Variants in PCDH11X observed in about 807,000 individuals in gnomAD.
PCDH11X encodes protocadherin 11 X-linked.
In PCDH11X, 18 loss-of-function variants were observed where a neutral mutation model predicts 53.3. That is an observed-to-expected ratio of 0.34 (90% confidence interval 0.23 to 0.50). PCDH11X has a LOEUF of 0.50. Ranked by LOEUF, PCDH11X falls within the 20% of genes least tolerant of loss-of-function variation. The probability of loss-of-function intolerance (pLI) is 0.98; values close to 1 mark genes in which losing one functional copy is unlikely to be tolerated. For missense variants in PCDH11X, 570 were observed against 1,032.4 expected, an observed-to-expected ratio of 0.55 and a Z score of 6.14; for synonymous variants, 279 against 393.3, an observed-to-expected ratio of 0.71 and a Z score of 3.44.
chrX:92,082,752 A>G (rs762506658), intron 6 of PCDH11X, among the ~76,000 whole-genome samples: 1 of 111,981 alleles, frequency 8.9e-6, no homozygotes, highest in Non-Finnish European at 1.9e-5. Context: ...CAGAAGCATT[A>G]ACATGATGGC....
intron 10 of PCDH11X, among the ~76,000 whole-genome samples, chrX:92,557,442 T>G (rs2075063450): frequency 9.1e-6 from 1 of 110,419 alleles, no homozygotes; most frequent in Non-Finnish European, 1.9e-5. Flanking sequence ...AGGGGCAAAA[T>G]CCCACCAGTC....
At chrX:92,048,318 T>C (rs184252054) in intron 6 of PCDH11X, among the ~76,000 whole-genome samples, 1,544 of 109,681 alleles carry the variant, frequency 0.014, 22 homozygotes, top group African/African-American at 0.049. Context: ...AAGTGTCCCT[T>C]CTCTCAAATA....
chrX:92,523,463 C>G (rs1383210930), intron 10 of PCDH11X, among the ~76,000 whole-genome samples: 4 of 112,074 alleles, frequency 3.6e-5, no homozygotes, highest in Non-Finnish European at 7.5e-5. Context: ...TTAGACATCG[C>G]TCAGATCTCA....
chrX:92,270,394 G>C (rs1023075007), intron 8 of PCDH11X, among the ~76,000 whole-genome samples: 2 of 111,826 alleles, frequency 1.8e-5, no homozygotes, highest in Non-Finnish European at 3.8e-5. Context: ...AAAGTGCTGG[G>C]ATTACAGGCG....
chrX:92,009,700 C>CTTTTTTT (rs68159170), intron 6 of PCDH11X, among the ~76,000 whole-genome samples: 35 of 66,640 alleles, frequency 5.3e-4, no homozygotes, highest in African/African-American at 1.8e-3. Context: ...TGACTGTTGC[C>CTTTTTTT]TTTTTTTTTT....
At chrX:92,018,605 T>C (rs1015093662) in intron 6 of PCDH11X, among the ~76,000 whole-genome samples, 2 of 112,528 alleles carry the variant, frequency 1.8e-5, no homozygotes, top group African/African-American at 6.4e-5. Context: ...TATGTTCTGA[T>C]AGGTTTGTTA....
intron 6 of PCDH11X, among the ~76,000 whole-genome samples, chrX:92,034,238 A>G (rs1316131680): frequency 9.0e-6 from 1 of 111,554 alleles, no homozygotes; most frequent in African/African-American, 3.3e-5. Context: ...GTTGGATGAA[A>G]TGTTCTGTAA....
chrX:92,004,807 G>A (rs1455017797), intron 6 of PCDH11X, among the ~76,000 whole-genome samples: 4 of 81,603 alleles, frequency 4.9e-5, no homozygotes, highest in Admixed American at 1.8e-4. Flanking sequence ...ATGGAGTCTC[G>A]CTCTGTCACC....
At chrX:92,617,449 G>A (rs879093202) in intron 10 of PCDH11X, among the ~76,000 whole-genome samples, 25 of 111,482 alleles carry the variant, frequency 2.2e-4, no homozygotes, top group Admixed American at 6.7e-4. Context: ...ATACGTCTTC[G>A]TAGAGAATTG....
intron 6 of PCDH11X, among the ~76,000 whole-genome samples, chrX:91,912,905 A>G (rs1461048846): frequency 8.9e-6 from 1 of 112,235 alleles, no homozygotes; most frequent in East Asian, 2.8e-4. Context: ...AGGAAAACCT[A>G]CCTTCGATCA....
intron 10 of PCDH11X, among the ~76,000 whole-genome samples, chrX:92,604,968 A>G (rs1166518542): frequency 2.1e-5 from 2 of 93,939 alleles, no homozygotes; most frequent in Admixed American, 2.3e-4. Flanking sequence ...AGAGAAATAG[A>G]CACTTCAGTA....
At chrX:92,351,789 A>G (rs907026943) in intron 8 of PCDH11X, among the ~76,000 whole-genome samples, 15 of 111,562 alleles carry the variant, frequency 1.3e-4, no homozygotes, top group Non-Finnish European at 2.4e-4. Flanking sequence ...TGCGTTGGGT[A>G]TGGAAGAGGT....
At chrX:91,805,864 C>T (rs1331025022) in intron 1 of PCDH11X, among the ~76,000 whole-genome samples, 1 of 107,210 alleles carries the variant, frequency 9.3e-6, no homozygotes, top group Non-Finnish European at 1.9e-5. Context: ...AGATATAGGG[C>T]CAAATAAATA....
rs1928591022 is a variant in PCDH11X at position 92,622,603 on chromosome X, A to G, written c.*3663A>G. The G allele has an allele frequency of 9.0e-6, 1 of 110,905 alleles. No individual in the cohort carries two copies. The highest frequency in any genetic ancestry group is 1.9e-5 in the Non-Finnish European group (1 of 52,836). 9.1% of individuals were successfully genotyped at this position (110,905 alleles called of 1,213,427 possible). On this transcript the variant is annotated 3_prime_UTR_variant, in exon 11 of 11. Transcript: ENST00000682573. ...TTTAGGTAAACTTTTTATTATGACC[A>G]TTAGAAACTATTTTGAATGCTTCCA... is the stretch of plus-strand genomic sequence containing the variant.
intron 10 of PCDH11X, among the ~76,000 whole-genome samples, chrX:92,562,654 G>A (rs967157573): frequency 3.6e-5 from 4 of 109,970 alleles, no homozygotes; most frequent in African/African-American, 1.3e-4. Flanking sequence ...GAAGCAGCCA[G>A]GCCAAATCTT....
At chrX:92,495,611 T>C (rs1303303545) in intron 10 of PCDH11X, among the ~76,000 whole-genome samples, 50 of 110,561 alleles carry the variant, frequency 4.5e-4, no homozygotes, top group African/African-American at 1.5e-3. Flanking sequence ...TTCGAAATTA[T>C]CACCACTGTA....
rs768670963 is a variant in PCDH11X at position 91,877,650 on chromosome X, C to T, written c.1410C>T (p.Phe470=). The change falls in exon 6 of 11, where the codon TTC becomes TTT. Residue 470 remains phenylalanine (F), a synonymous_variant. Transcript: ENST00000682573. ...NDNAPVFTQS[F]VTVSIPENNS... ...ATGCTCCAGTTTTCACCCAGTCTTT[C>T]GTAACTGTTTCTATTCCTGAGAATA... 46 of 1,208,004 alleles carry T rather than the reference C, an allele frequency of 3.8e-5. No individual in the cohort carries two copies. The highest frequency in any genetic ancestry group is 3.5e-4 in the African/African-American group (20 of 56,578).
chrX:92,444,662 T>G (rs1418356414), intron 9 of PCDH11X, among the ~76,000 whole-genome samples: 3 of 103,843 alleles, frequency 2.9e-5, no homozygotes, highest in Non-Finnish European at 3.9e-5. Context: ...TAATATGATG[T>G]TGGCTGCATG....
chrX:92,032,020 G>A (rs1373117025), intron 6 of PCDH11X, among the ~76,000 whole-genome samples: 1 of 111,801 alleles, frequency 8.9e-6, no homozygotes, highest in Non-Finnish European at 1.9e-5. Flanking sequence ...TTTCTGTGAA[G>A]AATGTTATTG....
Sources: gnomAD v4.1 joint callset for allele counts (sites outside exome capture counted in the v4.1 genomes callset) on GRCh38, gnomAD v4.1.1 for gene constraint, MANE v1.5 for transcripts, NCBI Gene and HGNC (gene_info 2026-07-23, HGNC 2026-07-21) for gene names.